The following LDLRAD4 variants were observed in gnomAD, a reference collection of about 807,000 sequenced individuals.
LDLRAD4 encodes the protein low density lipoprotein receptor class A domain containing 4, also known as low-density lipoprotein receptor class A domain-containing protein 4.
Under a neutral mutation model 17.0 loss-of-function variants are expected in LDLRAD4, and 5 were observed. The ratio of observed to expected loss-of-function variants is 0.29; its 90% CI spans 0.15 to 0.62. The LOEUF (loss-of-function observed/expected upper bound fraction) is 0.62. Among genes scored for constraint, LDLRAD4 ranks in the 20% least tolerant of loss-of-function variants. The pLI, the probability that LDLRAD4 is intolerant of heterozygous loss-of-function variation, is 0.84. For synonymous variants in LDLRAD4, 168 were observed against 171.8 expected (o/e 0.98, Z 0.17); for missense variants, 340 against 424.7 (o/e 0.80, Z 1.75).
intron 1 of LDLRAD4, among the ~76,000 whole-genome samples, chr18:13,366,839 G>A (rs1410294615): frequency 6.6e-6 from 1 of 152,158 alleles, no homozygotes; most frequent in Non-Finnish European, 1.5e-5. Context: ...TCAGTCTTGC[G>A]TGGTTCTTAA....
chr18:13,260,663 A>G (rs2043765239), intron 1 of LDLRAD4, among the ~76,000 whole-genome samples: 2 of 151,860 alleles, frequency 1.3e-5, no homozygotes, highest in Non-Finnish European at 2.9e-5. Context: ...TCTTTCTGCC[A>G]CCCTCTCCCT....
At chr18:13,371,539 C>T (rs529288993) in intron 1 of LDLRAD4, among the ~76,000 whole-genome samples, 23 of 152,218 alleles carry the variant, frequency 1.5e-4, no homozygotes, top group African/African-American at 5.3e-4. Flanking sequence ...GAGGCCGAAG[C>T]GGGTGGATCA....
intron 2 of LDLRAD4, among the ~76,000 whole-genome samples, chr18:13,434,211 A>G (rs2146090916): frequency 6.6e-6 from 1 of 152,160 alleles, no homozygotes; most frequent in South Asian, 2.1e-4. Context: ...CAGCGATTCT[A>G]AAGTCTGTTG....
chr18:13,300,909 TG>T lies in LDLRAD4; in HGVS notation c.-383+22723del, dbSNP rs2046557994. Among the ~76,000 whole-genome samples, 1 of 152,246 alleles carries T rather than the reference TG, an allele frequency of 6.6e-6. No individual in the cohort carries two copies. The highest frequency in any genetic ancestry group is 2.1e-4 in the South Asian group (1 of 4,838). On this transcript the variant is annotated intron_variant, in intron 1 of 5. Coordinates refer to ENST00000359446, the Ensembl canonical transcript of LDLRAD4. This position sits in a 1 kb window ranked among gnomAD's most constrained non-coding sequence, Gnocchi z 4.2. ...GCAGCGCGTCCCAGCGCTGAACCCG[TG>T]GCACCTGGCTGCTTGGCTGTGAGGG...
exon 6 of LDLRAD4, chr18:13,648,228 A>T (rs2149027134): frequency 6.6e-6 from 1 of 152,342 alleles, no homozygotes; most frequent in East Asian, 1.9e-4. Flanking sequence ...AGTAACTGTG[A>T]GTATATGAAT....
At chr18:13,562,715 A>G (rs2094554549) in intron 3 of LDLRAD4, among the ~76,000 whole-genome samples, 1 of 152,202 alleles carries the variant, frequency 6.6e-6, no homozygotes, top group South Asian at 2.1e-4. Context: ...TAGATGCAAC[A>G]TGTGAGATTT....
intron 1 of LDLRAD4, among the ~76,000 whole-genome samples, chr18:13,266,608 A>G (rs1007720497): frequency 2.6e-5 from 4 of 152,258 alleles, no homozygotes; most frequent in Admixed American, 2.0e-4. Context: ...GAATTGGCAT[A>G]GTGACCGTCT....
At chr18:13,301,499 G>A (rs1246635359) in intron 1 of LDLRAD4, among the ~76,000 whole-genome samples, 1 of 152,040 alleles carries the variant, frequency 6.6e-6, no homozygotes, top group Non-Finnish European at 1.5e-5. Flanking sequence ...AAGTCCTGTG[G>A]GTCACGTCTG....
rs2086921031 is a variant in LDLRAD4, at chr18:13,398,896, G to A, written c.40+11134G>A. On this transcript the variant is annotated intron_variant, in intron 2 of 5. Transcript: ENST00000359446. The surrounding 1 kb of genome is among the most constrained non-coding windows in gnomAD (Gnocchi z 4.8). Reference sequence around the variant, plus strand: ...GTTCCAGTATTGTGTCCACTCTCATGGAGTATGCTCGTGCGCAGAGATGCA... The same window carrying A: ...GTTCCAGTATTGTGTCCACTCTCATAGAGTATGCTCGTGCGCAGAGATGCA... Among the ~76,000 whole-genome samples the A allele has an allele frequency of 6.6e-6, 1 of 152,202 alleles. No individual in the cohort carries two copies. The highest frequency in any genetic ancestry group is 6.5e-5 in the Admixed American group (1 of 15,284).
chr18:13,627,691 C>T (rs1057492305), intron 4 of LDLRAD4, among the ~76,000 whole-genome samples: 1 of 152,178 alleles, frequency 6.6e-6, no homozygotes, highest in African/African-American at 2.4e-5. Flanking sequence ...CATGGTCACT[C>T]GTGGCCACTG....
At chr18:13,495,345 T>C (rs141059991) in intron 3 of LDLRAD4, among the ~76,000 whole-genome samples, 1 of 152,322 alleles carries the variant, frequency 6.6e-6, no homozygotes, top group East Asian at 1.9e-4. Flanking sequence ...CCTTCTTTAG[T>C]TGACGAATCT....
chr18:13,394,483 AT>A (rs1271672766), intron 2 of LDLRAD4, among the ~76,000 whole-genome samples: 1 of 152,268 alleles, frequency 6.6e-6, no homozygotes, highest in Non-Finnish European at 1.5e-5. Flanking sequence ...TAGCTGTTAA[AT>A]AGCTAAAATA....
intron 3 of LDLRAD4, among the ~76,000 whole-genome samples, chr18:13,517,778 G>A (rs542753346): frequency 7.3e-5 from 11 of 151,688 alleles, no homozygotes; most frequent in African/African-American, 2.4e-4. Flanking sequence ...TCGCTCTGTC[G>A]CCCAGGCTGG....
chr18:13,635,207 A>C (rs554189831), intron 4 of LDLRAD4, among the ~76,000 whole-genome samples: 7 of 152,232 alleles, frequency 4.6e-5, no homozygotes, highest in Non-Finnish European at 1.0e-4. Flanking sequence ...GAGGTCAGAC[A>C]TGAGAGACCA....
chr18:13,377,762 C>T (rs989148519), intron 1 of LDLRAD4, among the ~76,000 whole-genome samples: 1 of 152,178 alleles, frequency 6.6e-6, no homozygotes, highest in Non-Finnish European at 1.5e-5. Flanking sequence ...GAGCGTGACC[C>T]GCCATTGAGC....
intron 1 of LDLRAD4, among the ~76,000 whole-genome samples, chr18:13,290,514 T>G (rs2045904161): frequency 6.6e-6 from 1 of 152,184 alleles, no homozygotes; most frequent in Non-Finnish European, 1.5e-5. Context: ...ATTTGCTTTC[T>G]TCATTTGCTT....
At chr18:13,493,903 G>A (rs373254171) in intron 3 of LDLRAD4, among the ~76,000 whole-genome samples, 22 of 152,304 alleles carry the variant, frequency 1.4e-4, no homozygotes, top group South Asian at 1.2e-3. Context: ...ATCTGTGTGC[G>A]GGGCCACCCA....
At chr18:13,237,073 G>C (rs2042374135) in intron 1 of LDLRAD4, among the ~76,000 whole-genome samples, 11 of 152,226 alleles carry the variant, frequency 7.2e-5, no homozygotes, top group Admixed American at 5.9e-4. Context: ...GTTATCCCTG[G>C]AGGCTCCACT....
chr18:13,407,753 T>G (rs1444174746), intron 2 of LDLRAD4, among the ~76,000 whole-genome samples: 1 of 152,224 alleles, frequency 6.6e-6, no homozygotes, highest in Non-Finnish European at 1.5e-5. Context: ...CCTGTCTGCC[T>G]TGGAGATATT....
Sources: gnomAD v4.1 joint callset for allele counts (sites outside exome capture counted in the v4.1 genomes callset) on GRCh38, gnomAD v4.1.1 for gene constraint, Gnocchi (gnomAD v3.1) non-coding constraint, MANE v1.5 for transcripts, NCBI Gene and HGNC (gene_info 2026-07-23, HGNC 2026-07-21) for gene names.